The following STAG1 variants were observed in gnomAD, a reference collection of about 807,000 sequenced individuals.
The protein encoded by STAG1 is cohesin subunit SA-1.
A neutral mutation model predicts 170.9 loss-of-function variants in STAG1; 26 were observed. That is an observed-to-expected ratio of 0.15 (90% CI 0.11 to 0.21). The LOEUF (loss-of-function observed/expected upper bound fraction) is 0.21. Among genes scored for constraint, STAG1 ranks in the 10% least tolerant of loss-of-function variants. The pLI, the probability that STAG1 is intolerant of heterozygous loss-of-function variation, is 1.00. For missense variants in STAG1, 964 were observed against 1,509.5 expected (o/e 0.64, Z 5.99); for synonymous variants, 514 against 497.7 (o/e 1.03, Z -0.44).
intron 4 of STAG1, among the ~76,000 whole-genome samples, chr3:136,597,182 T>A (rs1938466531): frequency 1.3e-5 from 2 of 152,090 alleles, no homozygotes; most frequent in Non-Finnish European, 2.9e-5. Flanking sequence ...AACAAAGCAA[T>A]GAAAAAAATA....
At chr3:136,498,657 GTTTA>G (rs1933293624) in intron 9 of STAG1, among the ~76,000 whole-genome samples, 1 of 150,066 alleles carries the variant, frequency 6.7e-6, no homozygotes, top group African/African-American at 2.5e-5. Flanking sequence ...TAAATGTGCA[GTTTA>G]TTTATGTGAA....
chr3:136,519,210 C>T lies in STAG1; in HGVS notation c.676+2003G>A, dbSNP rs187729411. ...TATTCTGCGTATTTCTATAATATAG[C>T]ACTCCTCTTATGTTCTTAGAGTAAA... On this transcript the variant is annotated intron_variant, in intron 7 of 33. Transcript: ENST00000383202. Among the ~76,000 whole-genome samples, 24 of 152,156 alleles carry T rather than the reference C, an allele frequency of 1.6e-4. No homozygotes were observed. The East Asian group carries it at 4.6e-3, about 29-fold the overall frequency.
chr3:136,733,054 A>G lies in STAG1; in HGVS notation c.-84+19141T>C, dbSNP rs184901828. 1.5e-3 allele frequency among the ~76,000 whole-genome samples: 224 copies of G among 151,656 alleles called. 4 individuals are homozygous for G. Among genetic ancestry groups the G allele is most frequent in the Admixed American group, 0.012 (185 of 15,200 alleles). Reference sequence around the variant, plus strand: ...TAAATGATCTTTGGATCTATGCACAACACAATATAGTCTAGTGGTTAAAAC... The same window carrying G: ...TAAATGATCTTTGGATCTATGCACAGCACAATATAGTCTAGTGGTTAAAAC... On this transcript the variant is annotated intron_variant, in intron 1 of 33. Coordinates refer to ENST00000383202, the MANE Select transcript of STAG1 (RefSeq NM_005862.3).
At chr3:136,470,180 C>T (rs1183596449) in intron 12 of STAG1, among the ~76,000 whole-genome samples, 3 of 152,106 alleles carry the variant, frequency 2.0e-5, no homozygotes, top group Non-Finnish European at 2.9e-5. Flanking sequence ...AAAGAAACTA[C>T]CATCAGAGTG....
At chr3:136,547,792 C>T (rs1936219794) in intron 5 of STAG1, among the ~76,000 whole-genome samples, 1 of 152,146 alleles carries the variant, frequency 6.6e-6, no homozygotes. Flanking sequence ...TTGCCAAGAC[C>T]AATGTCATGA....
chr3:136,581,276 A>C (rs1937585783), intron 4 of STAG1, among the ~76,000 whole-genome samples: 1 of 152,222 alleles, frequency 6.6e-6, no homozygotes, highest in African/African-American at 2.4e-5. Flanking sequence ...TTTATGATAC[A>C]ATCTACAAAT....
Position 136,393,341 on chromosome 3 carries a change from G to C in STAG1, c.2277+5408C>G, listed in dbSNP as rs116724072. On this transcript the variant is annotated intron_variant, in intron 22 of 33. Transcript: ENST00000383202. ...GGCATTACAAACTGAGCCAACTTTT[G>C]TAAAAATACAAAAATTAGCCGGACA... Among the ~76,000 whole-genome samples the C allele has an allele frequency of 7.0e-3, 1,062 of 152,088 alleles. 14 individuals carry two copies. Among genetic ancestry groups the C allele is most frequent in the African/African-American group, 0.024 (981 of 41,498 alleles).
intron 7 of STAG1, among the ~76,000 whole-genome samples, chr3:136,515,985 A>T (rs911124103): frequency 6.6e-6 from 1 of 152,176 alleles, no homozygotes; most frequent in African/African-American, 2.4e-5. Context: ...GTACAAAGCA[A>T]TGAAAAGGTC....
At chr3:136,595,764 A>G (rs1007740511) in intron 4 of STAG1, among the ~76,000 whole-genome samples, 5 of 144,658 alleles carry the variant, frequency 3.5e-5, no homozygotes, top group Non-Finnish European at 7.6e-5. Context: ...ATCAGTGTTT[A>G]AAAAAAAAAA....
Position 136,349,187 on chromosome 3 carries a change from C to T in STAG1, c.3242G>A (p.Arg1081Gln). ...KTSSVRNKKG[R>Q]PPLHKKRVED... The stretch of plus-strand genomic sequence containing the variant: ...TACTCGTTTTTTATGAAGTGGAGGT[C>T]GTCCTTTCTTATTCCTTACTGATGA... Residue 1081 changes from arginine to glutamine, a missense_variant, in exon 29 of 34, where the codon CGA becomes CAA. Arg to Gln is a conservative substitution (Grantham distance 43). Around this residue, in one of 11 missense-constraint regions of STAG1, gnomAD observed 122 missense variants for 129.0 expected, o/e 0.95. Transcript: ENST00000383202. The T allele has an allele frequency of 1.9e-6, 3 of 1,614,052 alleles. No individual in the cohort carries two copies. Among genetic ancestry groups the T allele is most frequent in the Non-Finnish European group, 2.5e-6 (3 of 1,179,934 alleles).
chr3:136,610,369 A>C (rs1436216112), intron 3 of STAG1, among the ~76,000 whole-genome samples: 1 of 152,160 alleles, frequency 6.6e-6, no homozygotes, highest in Non-Finnish European at 1.5e-5. Context: ...ACAAACAAAC[A>C]AATAAAAACT....
At chr3:136,521,118 A>C (rs1016121068) in intron 7 of STAG1, 95 bp downstream of exon 7, 2 of 1,045,112 alleles carry the variant, frequency 1.9e-6, no homozygotes, top group Non-Finnish European at 2.8e-6. Context: ...TATTCTAATT[A>C]AATTTTTAAT....
intron 5 of STAG1, among the ~76,000 whole-genome samples, chr3:136,565,465 A>G (rs141307235): frequency 0.012 from 1,772 of 152,302 alleles, 15 homozygotes; most frequent in Non-Finnish European, 0.016. Flanking sequence ...ACAAATTAAA[A>G]CCACAGTTAG....
At chr3:136,694,790 G>A (rs999700020) in intron 1 of STAG1, among the ~76,000 whole-genome samples, 5 of 152,168 alleles carry the variant, frequency 3.3e-5, no homozygotes, top group Non-Finnish European at 5.9e-5. Flanking sequence ...ATTGTTAAAC[G>A]GCCTAATAAT....
chr3:136,424,526 G>C (rs1164805304), intron 16 of STAG1, among the ~76,000 whole-genome samples: 1 of 151,894 alleles, frequency 6.6e-6, no homozygotes, highest in Non-Finnish European at 1.5e-5. Flanking sequence ...GTAGAGACGG[G>C]TTTTCACCAT....
intron 5 of STAG1, among the ~76,000 whole-genome samples, chr3:136,545,583 AAG>A (rs1470539093): frequency 2.6e-4 from 39 of 152,324 alleles, no homozygotes; most frequent in African/African-American, 8.7e-4. Flanking sequence ...GACTACATTT[AAG>A]AGTCTTTTTC....
chr3:136,592,346 T>C (rs1938226127), intron 4 of STAG1, among the ~76,000 whole-genome samples: 1 of 152,022 alleles, frequency 6.6e-6, no homozygotes, highest in Non-Finnish European at 1.5e-5. Flanking sequence ...GATCTGATGG[T>C]TTTATAAGCA....
chr3:136,417,825 T>C, intron 21 of STAG1, 60 bp downstream of exon 21: 6 of 1,270,980 alleles, frequency 4.7e-6, no homozygotes, highest in Non-Finnish European at 6.9e-6. Flanking sequence ...CTGATAATCA[T>C]ATGACTTCAG....
chr3:136,510,340 A>T (rs1010081000), intron 7 of STAG1, among the ~76,000 whole-genome samples: 1 of 152,096 alleles, frequency 6.6e-6, no homozygotes, highest in African/African-American at 2.4e-5. Context: ...CCCAGACGGG[A>T]GTGCAGTGGT....
Sources: gnomAD v4.1 joint callset for allele counts (sites outside exome capture counted in the v4.1 genomes callset) on GRCh38, gnomAD v4.1.1 for gene constraint, gnomAD v4.1.1 regional missense constraint, MANE v1.5 for transcripts, NCBI Gene and HGNC (gene_info 2026-07-23, HGNC 2026-07-21) for gene names.